Variants in ANKRD11 observed in about 807,000 individuals in gnomAD.
ANKRD11 encodes the protein ankyrin repeat domain-containing protein 11.
Under a neutral mutation model 195.7 loss-of-function variants are expected in ANKRD11, and 17 were observed. That is an observed-to-expected ratio of 0.09 (90% CI 0.06 to 0.13). The LOEUF is 0.13. ANKRD11 is among the 10% of genes least tolerant of loss of function. ANKRD11 has a pLI of 1.00. For missense variants in ANKRD11, 3,735 were observed against 3,566.1 expected, an observed-to-expected ratio of 1.05 and a Z score of -1.21; for synonymous variants, 1,953 against 1,528.1, an observed-to-expected ratio of 1.28 and a Z score of -6.49.
chr16:89,288,583 T>C lies in ANKRD11; in HGVS notation c.689A>G (p.Lys230Arg). The C allele has an allele frequency of 1.2e-6, 2 of 1,614,148 alleles. No homozygotes were observed. Among genetic ancestry groups the C allele is most frequent in the East Asian group, 2.2e-5 (1 of 44,880 alleles). The change falls in exon 7 of 13, where the codon AAG becomes AGG. Residue 230 changes from lysine to arginine, a missense_variant. By Grantham distance (26) the Lys-to-Arg change is conservative (BLOSUM62 2). Coordinates refer to ENST00000301030, the MANE Select transcript of ANKRD11 (RefSeq NM_013275.6). ...LLAAGAEVNT[K>R]GLDDDTPLHD... Reference sequence around the variant, plus strand: ...CAAAGGCGTGTCGTCATCTAGGCCCTTGGTGTTCACCTCCGCACCTGCAGC... The same window carrying C: ...CAAAGGCGTGTCGTCATCTAGGCCCCTGGTGTTCACCTCCGCACCTGCAGC...
chr16:89,366,540 G>A (rs1567706258), intron 2 of ANKRD11, among the ~76,000 whole-genome samples: 1 of 152,184 alleles, frequency 6.6e-6, no homozygotes, highest in Non-Finnish European at 1.5e-5. Context: ...GTGAGATGGT[G>A]TCTCGCTGTG....
At chr16:89,287,546 T>C in intron 7 of ANKRD11, 1 of 181,530 alleles carries the variant, frequency 5.5e-6, no homozygotes. Flanking sequence ...ACACCTGCCC[T>C]CCCCTGCAGC....
intron 1 of ANKRD11, among the ~76,000 whole-genome samples, chr16:89,464,204 A>T (rs1284547103): frequency 6.6e-6 from 1 of 151,888 alleles, no homozygotes; most frequent in Non-Finnish European, 1.5e-5. Context: ...GCACCACTGC[A>T]CTCCAGCCTG....
chr16:89,321,988 C>A (rs750290631), intron 2 of ANKRD11, among the ~76,000 whole-genome samples: 17 of 152,184 alleles, frequency 1.1e-4, no homozygotes, highest in Non-Finnish European at 2.4e-4. Flanking sequence ...AGTATTTTCA[C>A]GTCTCTAGTT....
At chr16:89,398,528 G>A (rs2041559876) in intron 2 of ANKRD11, among the ~76,000 whole-genome samples, 1 of 152,206 alleles carries the variant, frequency 6.6e-6, no homozygotes, top group Non-Finnish European at 1.5e-5. Flanking sequence ...ACCAGCCTGG[G>A]CAACACAGGG....
chr16:89,281,478 G>T lies in ANKRD11; in HGVS notation c.5064C>A (p.Val1688=). 3 of 1,614,208 alleles carry T rather than the reference G, an allele frequency of 1.9e-6. No homozygotes were observed. The highest frequency in any genetic ancestry group is 2.5e-6 in the Non-Finnish European group (3 of 1,180,034). ...DWLAGPHMKE[V]LPASPRPDQS... ...GGTCAGGCCTGGGGGACGCAGGCAG[G>T]ACCTCTTTCATGTGAGGGCCTGCCA... The change falls in exon 9 of 13, where the codon GTC becomes GTA. Residue 1688 remains valine (V), a synonymous_variant. Transcript: ENST00000301030. The surrounding 1 kb of genome is among the most constrained non-coding windows in gnomAD (Gnocchi z 5.5).
chr16:89,447,658 A>C (rs2043857190), intron 1 of ANKRD11, among the ~76,000 whole-genome samples: 1 of 152,148 alleles, frequency 6.6e-6, no homozygotes, highest in Non-Finnish European at 1.5e-5. Context: ...CTTTGGCCCT[A>C]AGAACACTGC....
In ANKRD11 at chr16:89,425,720, G is replaced by A. The variant is rs200559237; in HGVS notation, c.-144-7352C>T. 2.0e-5 allele frequency among the ~76,000 whole-genome samples: 3 copies of A among 152,256 alleles called. No homozygotes were observed. In the East Asian group the frequency reaches 5.8e-4, roughly 29 times the overall value. ...TGTTTCTGGTGTTTCTTTTTTAAGG[G>A]TGGGGTGCTATTCATTTCGTTTTCT... is the stretch of plus-strand genomic sequence containing the variant. On this transcript the variant is annotated intron_variant, in intron 1 of 12. Transcript: ENST00000301030.
chr16:89,451,935 A>G (rs1471942361), intron 1 of ANKRD11, among the ~76,000 whole-genome samples: 3 of 152,196 alleles, frequency 2.0e-5, no homozygotes, highest in Non-Finnish European at 4.4e-5. Context: ...ACATGTGTCT[A>G]GACGTTCAAA....
At chr16:89,476,213 G>A (rs1054286726) in intron 1 of ANKRD11, among the ~76,000 whole-genome samples, 1 of 152,012 alleles carries the variant, frequency 6.6e-6, no homozygotes, top group African/African-American at 2.4e-5. Context: ...ATTCTCAAAA[G>A]ATGAAATCAA....
Position 89,285,628 on chromosome 16 carries a change from G to A in ANKRD11, c.914C>T (p.Ala305Val), listed in dbSNP as rs200647953. Residue 305 changes from alanine to valine, a missense_variant, in exon 9 of 13, where the codon GCA becomes GTA. Coordinates refer to ENST00000301030, the MANE Select transcript of ANKRD11 (RefSeq NM_013275.6). The surrounding 1 kb of genome is among the most constrained non-coding windows in gnomAD (Gnocchi z 5.6). ...SSTESSEEEDAPSFAPSSSVD... is the reference protein window; with the variant it reads ...SSTESSEEEDVPSFAPSSSVD... ...TGAACTGGAAGGTGCGAAGGATGGT[G>A]CGTCTTCCTCTTCTGAGCTCTCTGT... 5.0e-6 allele frequency: 8 copies of A among 1,614,084 alleles called. No homozygotes were observed. Among genetic ancestry groups the A allele is most frequent in the Non-Finnish European group, 6.8e-6 (8 of 1,180,050 alleles).
chr16:89,310,217 G>A (rs968028378), intron 3 of ANKRD11, among the ~76,000 whole-genome samples: 2 of 152,058 alleles, frequency 1.3e-5, no homozygotes, highest in African/African-American at 4.8e-5. Context: ...TGCGGGGTCC[G>A]CCTGTGTGTG....
Position 89,428,060 on chromosome 16 carries a change from T to C in ANKRD11, c.-144-9692A>G, listed in dbSNP as rs146061313. Among the ~76,000 whole-genome samples the C allele has an allele frequency of 2.6e-3, 392 of 149,750 alleles. 1 individual carries two copies. The highest frequency in any genetic ancestry group is 0.011 in the Middle Eastern group (3 of 284). On this transcript the variant is annotated intron_variant, in intron 1 of 12. Transcript: ENST00000301030. ...CCATCTCTAATAAAAATACAAAAAT[T>C]AGCCAGACATGGTGGCGCGCGCCTG...
At chr16:89,386,863 G>A (rs2040934988) in intron 2 of ANKRD11, among the ~76,000 whole-genome samples, 1 of 152,150 alleles carries the variant, frequency 6.6e-6, no homozygotes, top group Admixed American at 6.5e-5. Flanking sequence ...AGCTGTGTGC[G>A]AACAGACAAG....
chr16:89,439,878 C>A (rs1287138597), intron 1 of ANKRD11, among the ~76,000 whole-genome samples: 1 of 152,210 alleles, frequency 6.6e-6, no homozygotes. Context: ...GTGCAGCTGA[C>A]CTAGACTGAT....
intron 4 of ANKRD11, chr16:89,297,757 C>T (rs2279350): frequency 0.2 from 30,566 of 152,204 alleles, 3,481 homozygotes; most frequent in African/African-American, 0.29. Context: ...TGTGGTGAGA[C>T]TGGCTTCTCC....
chr16:89,278,357 A>T (rs1220898440), intron 9 of ANKRD11: 3 of 361,804 alleles, frequency 8.3e-6, no homozygotes, highest in East Asian at 7.5e-5. Flanking sequence ...CAGGGCAGAG[A>T]GTGCACAGGG....
chr16:89,460,599 C>T (rs1329116712), intron 1 of ANKRD11, among the ~76,000 whole-genome samples: 2 of 152,076 alleles, frequency 1.3e-5, no homozygotes, highest in East Asian at 1.9e-4. Flanking sequence ...ACACTGGGCA[C>T]AGCAGCTCAC....
chr16:89,423,692 A>G (rs2042604024), intron 1 of ANKRD11, among the ~76,000 whole-genome samples: 2 of 152,224 alleles, frequency 1.3e-5, no homozygotes, highest in Admixed American at 1.3e-4. Flanking sequence ...AGTTGTTCAC[A>G]GCTGTTTTAT....
Sources: gnomAD v4.1 joint callset for allele counts (sites outside exome capture counted in the v4.1 genomes callset) on GRCh38, gnomAD v4.1.1 for gene constraint, Gnocchi (gnomAD v3.1) non-coding constraint, MANE v1.5 for transcripts, NCBI Gene and HGNC (gene_info 2026-07-23, HGNC 2026-07-21) for gene names.